Variants in CYFIP2 observed in about 807,000 individuals in gnomAD.
CYFIP2 encodes the protein cytoplasmic FMR1 interacting protein 2.
Under a neutral mutation model 158.7 loss-of-function variants are expected in CYFIP2, and 29 were observed. That is an observed-to-expected ratio of 0.18 (90% CI 0.14 to 0.25). CYFIP2 has a LOEUF of 0.25. Ranked by LOEUF, CYFIP2 falls within the 10% of genes least tolerant of loss-of-function variation. The probability of loss-of-function intolerance (pLI) is 1.00; values close to 1 mark genes in which losing one functional copy is unlikely to be tolerated. For synonymous variants in CYFIP2, 585 were observed against 617.6 expected, an observed-to-expected ratio of 0.95 and a Z score of 0.78; for missense variants, 852 against 1,639.5, an observed-to-expected ratio of 0.52 and a Z score of 8.29.
intron 4 of CYFIP2, 30 bp from the exon 5 acceptor site, chr5:157,296,643 G>A: frequency 6.3e-7 from 1 of 1,588,308 alleles, no homozygotes; most frequent in Non-Finnish European, 8.6e-7. Context: ...GTGTAAACCA[G>A]GATGTGTGTG....
rs944972760 is a variant in CYFIP2 at position 157,315,198 on chromosome 5, C to A, written c.1356+104C>A. 327 of 1,465,646 alleles carry A rather than the reference C, an allele frequency of 2.2e-4. 1 individual carries two copies. The highest frequency in any genetic ancestry group is 4.2e-4 in the Admixed American group (19 of 45,384). 90.8% of individuals were successfully genotyped at this position (1,465,646 alleles called of 1,614,324 possible). On this transcript the variant is annotated intron_variant, in intron 13 of 30. Coordinates refer to ENST00000620254, the MANE Select transcript of CYFIP2 (RefSeq NM_001037333.3). ...AAACAGCATCGGTTGCCCTAATTTTCGTGCTCTTCCCTGTCCTACCATCTA... is the reference window on the plus strand; with the variant it reads ...AAACAGCATCGGTTGCCCTAATTTTAGTGCTCTTCCCTGTCCTACCATCTA...
At chr5:157,337,341 A>G (rs1008149448) in intron 21 of CYFIP2, among the ~76,000 whole-genome samples, 2 of 152,168 alleles carry the variant, frequency 1.3e-5, no homozygotes, top group Non-Finnish European at 2.9e-5. Context: ...AGGATTTGCC[A>G]TCACTAATCC....
intron 26 of CYFIP2, chr5:157,363,247 C>T (rs1764008747): frequency 1.3e-5 from 2 of 152,334 alleles, no homozygotes; most frequent in South Asian, 4.2e-4. Context: ...GGATGTTACT[C>T]TGGGATGCCT....
At chr5:157,289,960 T>C (rs1384147704) in intron 3 of CYFIP2, among the ~76,000 whole-genome samples, 1 of 152,004 alleles carries the variant, frequency 6.6e-6, no homozygotes, top group African/African-American at 2.4e-5. Flanking sequence ...ATAATTAAAG[T>C]TATCTACACT....
chr5:157,384,528 A>G (rs1191834764), intron 28 of CYFIP2: 2 of 455,910 alleles, frequency 4.4e-6, no homozygotes, highest in East Asian at 7.0e-5. Flanking sequence ...CTGGCAAAAC[A>G]TGGTAAGTAT....
At chr5:157,346,875 C>T (rs1762735307) in intron 23 of CYFIP2, among the ~76,000 whole-genome samples, 1 of 152,160 alleles carries the variant, frequency 6.6e-6, no homozygotes, top group Admixed American at 6.5e-5. Flanking sequence ...CGTTCCTTTC[C>T]TTTCAAGAAT....
chr5:157,345,564 T>G (rs1355095702), intron 23 of CYFIP2: 1 of 152,694 alleles, frequency 6.5e-6, no homozygotes, highest in Admixed American at 6.5e-5. Context: ...CGTGTCTGGT[T>G]AGAGCTCTGC....
intron 9 of CYFIP2, among the ~76,000 whole-genome samples, chr5:157,309,142 T>G (rs1313986285): frequency 2.6e-5 from 4 of 152,220 alleles, no homozygotes; most frequent in Non-Finnish European, 4.4e-5. Flanking sequence ...ATGATAATAG[T>G]GCAGACTTCA....
intron 11 of CYFIP2, among the ~76,000 whole-genome samples, chr5:157,313,981 G>T (rs1355062786): frequency 6.6e-6 from 1 of 152,186 alleles, no homozygotes; most frequent in East Asian, 1.9e-4. Context: ...TGTAATCCCA[G>T]CACTTTGGGA....
chr5:157,376,893 C>G, intron 26 of CYFIP2: 1 of 456,352 alleles, frequency 2.2e-6, no homozygotes, highest in South Asian at 1.6e-5. Flanking sequence ...TCTTCCGTGT[C>G]CACACACATC....
chr5:157,347,847 T>A (rs1762804674), intron 23 of CYFIP2, among the ~76,000 whole-genome samples: 1 of 152,214 alleles, frequency 6.6e-6, no homozygotes, highest in South Asian at 2.1e-4. Context: ...ACCGCTTGAC[T>A]GATGAGTGGC....
chr5:157,340,994 A>C, intron 22 of CYFIP2, 76 bp from the exon 23 acceptor site: 1 of 1,386,934 alleles, frequency 7.2e-7, no homozygotes, highest in South Asian at 1.2e-5. Context: ...GCCAGGAAGC[A>C]CTCCTGTTAT....
chr5:157,290,108 G>T (rs2113856468), intron 3 of CYFIP2, among the ~76,000 whole-genome samples: 1 of 152,328 alleles, frequency 6.6e-6, no homozygotes, highest in South Asian at 2.1e-4. Flanking sequence ...GACACCAACA[G>T]AGCAGTCGGA....
rs367998009 is a variant in CYFIP2 at position 157,285,442 on chromosome 5, A to G, written c.81A>G (p.Pro27=). Residue 27 remains proline (P), a synonymous_variant, in exon 2 of 31, where the codon CCA becomes CCG. Coordinates refer to ENST00000620254, the MANE Select transcript of CYFIP2 (RefSeq NM_001037333.3). ...LEELPLPDQQ[P]CIEPPPSSIM... ...AGCTTCCCCTCCCCGACCAGCAGCC[A>G]TGCATCGAGCCTCCACCTTCCTCCA... 208 of 1,579,112 alleles carry G rather than the reference A, an allele frequency of 1.3e-4. No individual in the cohort carries two copies. In the African/African-American group the frequency reaches 2.2e-3, roughly 17 times the overall value.
In CYFIP2 at chr5:157,311,111, GTGGA is replaced by G; in HGVS notation, c.993-552_993-549del. Reference sequence around the variant, plus strand: ...AGGGGGCGAGAGGTAGAGGGGGTGGGTGGAGGGAGGGGCCACCCCCACGTCTCAG... The same window carrying G: ...AGGGGGCGAGAGGTAGAGGGGGTGGGGGGAGGGGCCACCCCCACGTCTCAG... On this transcript the variant is annotated intron_variant, in intron 10 of 30. Coordinates refer to ENST00000620254, the MANE Select transcript of CYFIP2 (RefSeq NM_001037333.3). The surrounding 1 kb of genome is among the most constrained non-coding windows in gnomAD (Gnocchi z 4.7). 6 of 437,862 alleles carry G rather than the reference GTGGA, an allele frequency of 1.4e-5. No individual in the cohort carries two copies. The highest frequency in any genetic ancestry group is 1.0e-4 in the Admixed American group (4 of 38,462). 27.1% of individuals were successfully genotyped at this position (437,862 alleles called of 1,614,324 possible).
intron 1 of CYFIP2, among the ~76,000 whole-genome samples, chr5:157,281,111 T>A (rs1561686031): frequency 6.6e-6 from 1 of 152,220 alleles, no homozygotes; most frequent in Non-Finnish European, 1.5e-5. Flanking sequence ...TGTCATAGAT[T>A]GCATTTTGCT....
At chr5:157,277,817 T>C (rs1756682474) in intron 1 of CYFIP2, among the ~76,000 whole-genome samples, 1 of 152,164 alleles carries the variant, frequency 6.6e-6, no homozygotes, top group Non-Finnish European at 1.5e-5. Context: ...GGTTTTATTC[T>C]GGGGCCAAGA....
intron 4 of CYFIP2, 29 bp from the exon 5 acceptor site, chr5:157,296,644 G>A: frequency 1.3e-6 from 2 of 1,586,752 alleles, no homozygotes; most frequent in African/African-American, 1.3e-5. Flanking sequence ...TGTAAACCAG[G>A]ATGTGTGTGT....
chr5:157,335,965 G>A (rs1761823872), intron 21 of CYFIP2, among the ~76,000 whole-genome samples: 1 of 152,152 alleles, frequency 6.6e-6, no homozygotes, highest in Non-Finnish European at 1.5e-5. Context: ...ATCAAAACAA[G>A]CAGTGAAAGC....
Sources: allele counts gnomAD v4.1 joint callset (sites outside exome capture counted in the v4.1 genomes callset), GRCh38; gene constraint gnomAD v4.1.1; non-coding constraint Gnocchi (gnomAD v3.1); transcripts MANE v1.5; gene names NCBI Gene and HGNC (gene_info 2026-07-23, HGNC 2026-07-21).